Variants in RAB3C observed in about 807,000 individuals in gnomAD.
RAB3C encodes the protein ras-related protein Rab-3C.
A neutral mutation model predicts 26.4 loss-of-function variants in RAB3C; 17 were observed. The ratio of observed to expected loss-of-function variants is 0.64; its 90% CI spans 0.44 to 0.97. RAB3C has a LOEUF of 0.97. Ranked by LOEUF, RAB3C falls within the 50% of genes least tolerant of loss-of-function variation. RAB3C has a pLI of 0.00. For synonymous variants in RAB3C, 91 were observed against 95.9 expected (o/e 0.95, Z 0.30); for missense variants, 242 against 281.9 (o/e 0.86, Z 1.01).
chr5:58,846,387 A>G (rs1744003260), intron 4 of RAB3C, among the ~76,000 whole-genome samples: 1 of 151,960 alleles, frequency 6.6e-6, no homozygotes, highest in African/African-American at 2.4e-5. Context: ...GAGTTCAGAA[A>G]CTTTTAAGCA....
At chr5:58,720,071 G>A (rs962682772) in intron 2 of RAB3C, among the ~76,000 whole-genome samples, 8 of 151,874 alleles carry the variant, frequency 5.3e-5, no homozygotes, top group African/African-American at 1.9e-4. Context: ...AGCAGAAACT[G>A]AATTGAGGGA....
At chr5:58,742,490 A>G (rs1373886517) in intron 3 of RAB3C, among the ~76,000 whole-genome samples, 1 of 152,120 alleles carries the variant, frequency 6.6e-6, no homozygotes, top group East Asian at 1.9e-4. Flanking sequence ...GACGTTTTTG[A>G]TAGATTTGCT....
chr5:58,710,714 C>A (rs778976932), intron 2 of RAB3C, among the ~76,000 whole-genome samples: 1 of 152,074 alleles, frequency 6.6e-6, no homozygotes, highest in Non-Finnish European at 1.5e-5. Flanking sequence ...CTGGCTTTCC[C>A]CTGCTCTTCC....
At chr5:58,604,751 AG>A (rs1230371075) in intron 1 of RAB3C, among the ~76,000 whole-genome samples, 1 of 152,150 alleles carries the variant, frequency 6.6e-6, no homozygotes, top group African/African-American at 2.4e-5. Flanking sequence ...TGAAAGAAAA[AG>A]GCTTTAGTTC....
chr5:58,853,463 G>A lies in RAB3C; in HGVS notation c.*2112G>A, dbSNP rs1385643852. 6.6e-6 allele frequency: 1 copy of A among 152,204 alleles called. No individual in the cohort carries two copies. The highest frequency in any genetic ancestry group is 1.5e-5 in the Non-Finnish European group (1 of 68,038). 9.4% of individuals were successfully genotyped at this position (152,204 alleles called of 1,614,324 possible). The stretch of plus-strand genomic sequence containing the variant: ...ATTCTGATGGCTTTTTCAGAAGGAA[G>A]GACCTTGATGTGTGTATTGTGGTAA... On this transcript the variant is annotated 3_prime_UTR_variant, in exon 5 of 5. Transcript: ENST00000282878.
chr5:58,802,498 A>T (rs1310588520), intron 3 of RAB3C, among the ~76,000 whole-genome samples: 1 of 152,250 alleles, frequency 6.6e-6, no homozygotes, highest in Non-Finnish European at 1.5e-5. Context: ...GGCTGCTGAC[A>T]TAAGAATGAC....
At chr5:58,754,700 A>G (rs1741613538) in intron 3 of RAB3C, among the ~76,000 whole-genome samples, 1 of 152,216 alleles carries the variant, frequency 6.6e-6, no homozygotes, top group African/African-American at 2.4e-5. Context: ...AAATGTTTAT[A>G]TCGTGCGCAA....
intron 2 of RAB3C, among the ~76,000 whole-genome samples, chr5:58,692,554 A>G (rs1748592218): frequency 6.6e-6 from 1 of 152,082 alleles, no homozygotes; most frequent in Non-Finnish European, 1.5e-5. Context: ...GTTTTGGCCC[A>G]TATGCATCAT....
chr5:58,813,815 A>G (rs1743155043), intron 3 of RAB3C, among the ~76,000 whole-genome samples: 1 of 72,402 alleles, frequency 1.4e-5, no homozygotes, highest in Admixed American at 1.1e-4. Context: ...GCAGAAATGA[A>G]TTTACCAAGT....
At chr5:58,699,196 G>T (rs181367052) in intron 2 of RAB3C, among the ~76,000 whole-genome samples, 163 of 152,328 alleles carry the variant, frequency 1.1e-3, no homozygotes, top group Non-Finnish European at 1.6e-3. Flanking sequence ...CTCAGCTGCA[G>T]GTCTGTTGGA....
intron 1 of RAB3C, among the ~76,000 whole-genome samples, chr5:58,616,878 G>T (rs1274088384): frequency 1.3e-5 from 2 of 152,130 alleles, no homozygotes; most frequent in African/African-American, 4.8e-5. Flanking sequence ...TCATTTGGAA[G>T]TAGGGCAGGT....
rs1748943083 is a variant in RAB3C at position 58,706,339 on chromosome 5, AT to A, written c.253-19662del. Among the ~76,000 whole-genome samples, 3 of 152,168 alleles carry A rather than the reference AT, an allele frequency of 2.0e-5. No homozygotes were observed. The South Asian group carries it at 6.2e-4, about 32-fold the overall frequency. The stretch of plus-strand genomic sequence containing the variant: ...CCTTGGGCATTCGTCTCAAATTCAT[AT>A]CTTTATTTAGAAATAAGTGGCTAGT... On this transcript the variant is annotated intron_variant, in intron 2 of 4. Coordinates refer to ENST00000282878, the MANE Select transcript of RAB3C (RefSeq NM_138453.4).
intron 3 of RAB3C, among the ~76,000 whole-genome samples, chr5:58,750,031 T>G (rs1046514823): frequency 6.6e-6 from 1 of 152,208 alleles, no homozygotes; most frequent in Non-Finnish European, 1.5e-5. Context: ...ATTATTCTAT[T>G]TCATACTGTA....
intron 3 of RAB3C, among the ~76,000 whole-genome samples, chr5:58,759,360 G>T (rs763039813): frequency 3.9e-5 from 6 of 152,172 alleles, no homozygotes; most frequent in African/African-American, 1.4e-4. Flanking sequence ...CTGCATCCAG[G>T]TGCATGCAAT....
intron 2 of RAB3C, among the ~76,000 whole-genome samples, chr5:58,642,026 G>A (rs1747422764): frequency 6.6e-6 from 1 of 152,176 alleles, no homozygotes; most frequent in Non-Finnish European, 1.5e-5. Flanking sequence ...GACAATAGTA[G>A]TAACACCTGT....
At chr5:58,680,315 A>G (rs1020174731) in intron 2 of RAB3C, among the ~76,000 whole-genome samples, 1 of 152,232 alleles carries the variant, frequency 6.6e-6, no homozygotes, top group African/African-American at 2.4e-5. Flanking sequence ...AGAAAAACTT[A>G]TATTGCCTAG....
At chr5:58,697,003 A>G (rs889355358) in intron 2 of RAB3C, among the ~76,000 whole-genome samples, 1 of 151,752 alleles carries the variant, frequency 6.6e-6, no homozygotes, top group Non-Finnish European at 1.5e-5. Flanking sequence ...TAGTTCTTTT[A>G]ATTGTGATGT....
At chr5:58,609,059 A>G (rs867261387) in intron 1 of RAB3C, among the ~76,000 whole-genome samples, 8 of 152,186 alleles carry the variant, frequency 5.3e-5, no homozygotes, top group Middle Eastern at 3.4e-3. Flanking sequence ...GAGGAGGGGG[A>G]GGGATAGCAT....
At chr5:58,744,423 G>T (rs894094514) in intron 3 of RAB3C, among the ~76,000 whole-genome samples, 3 of 152,208 alleles carry the variant, frequency 2.0e-5, no homozygotes, top group Non-Finnish European at 1.5e-5. Flanking sequence ...AAATATATCT[G>T]CAAACATGCA....
Sources: allele counts gnomAD v4.1 joint callset (sites outside exome capture counted in the v4.1 genomes callset), GRCh38; gene constraint gnomAD v4.1.1; transcripts MANE v1.5; gene names NCBI Gene and HGNC (gene_info 2026-07-23, HGNC 2026-07-21).